Variants in SMARCAL1 observed in about 807,000 individuals in gnomAD.
SMARCAL1 encodes SNF2 related chromatin remodeling annealing helicase 1.
In SMARCAL1, 58 loss-of-function variants were observed where a neutral mutation model predicts 94.5. The ratio of observed to expected loss-of-function variants is 0.61; its 90% CI spans 0.50 to 0.76. The LOEUF is 0.76. Among genes scored for constraint, SMARCAL1 ranks in the 30% least tolerant of loss-of-function variants. The pLI is 0.00. For missense variants in SMARCAL1, 1,051 were observed against 1,177.9 expected (o/e 0.89, Z 1.58); for synonymous variants, 422 against 455.1 (o/e 0.93, Z 0.93).
At chr2:216,473,934 C>T (rs1695015945) in intron 14 of SMARCAL1, among the ~76,000 whole-genome samples, 1 of 152,032 alleles carries the variant, frequency 6.6e-6, no homozygotes, top group South Asian at 2.1e-4. Flanking sequence ...AAACTGGAAT[C>T]AACTCAGATG....
At chr2:216,455,710 C>T (rs1490669433) in intron 12 of SMARCAL1, among the ~76,000 whole-genome samples, 2 of 152,182 alleles carry the variant, frequency 1.3e-5, no homozygotes, top group Non-Finnish European at 2.9e-5. Flanking sequence ...ACGTCACCAT[C>T]ATCAAAGAGC....
intron 11 of SMARCAL1, among the ~76,000 whole-genome samples, chr2:216,449,854 T>C (rs1403997413): frequency 1.3e-5 from 2 of 152,042 alleles, no homozygotes; most frequent in Admixed American, 6.5e-5. Context: ...CTTTTTTTTT[T>C]TGAGACAGAG....
intron 6 of SMARCAL1, among the ~76,000 whole-genome samples, chr2:216,426,354 TAG>T (rs1227642042): frequency 6.6e-6 from 1 of 152,244 alleles, no homozygotes; most frequent in East Asian, 1.9e-4. Flanking sequence ...CATAGCATTG[TAG>T]AGTGGTTCCT....
chr2:216,472,566 G>C (rs1694990703), intron 14 of SMARCAL1, among the ~76,000 whole-genome samples: 1 of 151,064 alleles, frequency 6.6e-6, no homozygotes, highest in African/African-American at 2.4e-5. Context: ...CAACAGAAAA[G>C]TAATAGAAGG....
At chr2:216,449,749 A>G (rs1694401822) in intron 11 of SMARCAL1, among the ~76,000 whole-genome samples, 1 of 152,170 alleles carries the variant, frequency 6.6e-6, no homozygotes, top group Non-Finnish European at 1.5e-5. Flanking sequence ...AGTAGCAGGC[A>G]CACTGGCTCC....
At position 216,420,359 on chromosome 2, in the gene SMARCAL1, G is replaced by T. The variant is rs748576278; in HGVS notation, c.923G>T (p.Ser308Ile). 6.2e-7 allele frequency: 1 copy of T among 1,614,200 alleles called. No homozygotes were observed. Among genetic ancestry groups the T allele is most frequent in the South Asian group, 1.1e-5 (1 of 91,086 alleles). ...NLQPLEWAYGSSESPSTSSEG... is the reference protein window; with the variant it reads ...NLQPLEWAYGISESPSTSSEG... ...CAGCCTCTGGAATGGGCCTATGGCAGCAGCGAGTCACCCTCCACCAGCAGT... is the reference window on the plus strand; with the variant it reads ...CAGCCTCTGGAATGGGCCTATGGCATCAGCGAGTCACCCTCCACCAGCAGT... The change falls in exon 5 of 18, where the codon AGC becomes ATC. Residue 308 changes from serine to isoleucine, a missense_variant. Ser to Ile is a moderately radical substitution (Grantham distance 142, BLOSUM62 -2). Transcript: ENST00000357276.
At chr2:216,432,680 C>T (rs753535790) in intron 7 of SMARCAL1, 38 bp from the exon 8 acceptor site, 6 of 1,613,542 alleles carry the variant, frequency 3.7e-6, no homozygotes, top group Non-Finnish European at 5.1e-6. Context: ...GAACTCATGC[C>T]CCGGGAAATG....
chr2:216,446,630 T>C (rs985749265), intron 10 of SMARCAL1: 1 of 460,828 alleles, frequency 2.2e-6, no homozygotes, highest in African/African-American at 2.0e-5. Context: ...TTCTCCAGGA[T>C]ACTAATTAGC....
chr2:216,459,738 G>T (rs542538943), intron 12 of SMARCAL1, among the ~76,000 whole-genome samples: 5 of 151,766 alleles, frequency 3.3e-5, no homozygotes, highest in African/African-American at 1.2e-4. Flanking sequence ...AACCCTAGAA[G>T]AAAACCTAGG....
rs965162981 is a variant in SMARCAL1 at position 216,412,541 on chromosome 2, C to G, written c.-203C>G. ...GGCGAACTCGCAGCGCTTGAATACCCGTGGCCTAACCGTCCACTCGGAAGA... is the reference window on the plus strand; with the variant it reads ...GGCGAACTCGCAGCGCTTGAATACCGGTGGCCTAACCGTCCACTCGGAAGA... On this transcript the variant is annotated 5_prime_UTR_variant, in exon 1 of 18. Coordinates refer to ENST00000357276, the MANE Select transcript of SMARCAL1 (RefSeq NM_014140.4). 5.2e-4 allele frequency: 80 copies of G among 152,482 alleles called. No homozygotes were observed. The highest frequency in any genetic ancestry group is 1.9e-3 in the African/African-American group (78 of 41,592). The allele number at this position is 152,482 out of a possible 1,614,324, so 9.4% of individuals were successfully genotyped here. A position where few individuals can be genotyped will look rare whatever the true frequency, so the allele number is the denominator to read the frequency against.
chr2:216,472,851 G>A (rs964985494), intron 14 of SMARCAL1, among the ~76,000 whole-genome samples: 1 of 152,152 alleles, frequency 6.6e-6, no homozygotes, highest in Non-Finnish European at 1.5e-5. Context: ...GTTGATGAAA[G>A]TGTACGAAGA....
chr2:216,464,477 C>T, intron 12 of SMARCAL1, 120 bp from the exon 13 acceptor site: 3 of 812,408 alleles, frequency 3.7e-6, no homozygotes, highest in South Asian at 1.3e-5. Flanking sequence ...GCACCAGGGT[C>T]TCCTGACTCT....
At position 216,414,984 on chromosome 2, in the gene SMARCAL1, G is replaced by T; in HGVS notation, c.280G>T (p.Ala94Ser). Residue 94 changes from alanine (A) to serine (S), a missense_variant, in exon 3 of 18, where the codon GCA (alanine) becomes TCA (serine). Ala to Ser is a moderately conservative substitution (Grantham distance 99, BLOSUM62 1). This residue lies in a region of SMARCAL1 where 398 missense variants were observed against 395.2 expected (regional missense o/e 1.01). Coordinates refer to ENST00000357276, the MANE Select transcript of SMARCAL1 (RefSeq NM_014140.4). Reference sequence around the variant, plus strand: ...ACCTCATGATTCCCACAGTTTTCAGGCAAAGGGAATATGGAAAAAGCCAGA... The same window carrying T: ...ACCTCATGATTCCCACAGTTTTCAGTCAAAGGGAATATGGAAAAAGCCAGA... ...QRPHDSHSFQ[A>S]KGIWKKPEEM... 1 of 1,614,196 alleles carries T rather than the reference G, an allele frequency of 6.2e-7. No individual in the cohort carries two copies.
intron 4 of SMARCAL1, among the ~76,000 whole-genome samples, chr2:216,419,550 A>C (rs1693668902): frequency 7.0e-6 from 1 of 143,452 alleles, no homozygotes; most frequent in Admixed American, 6.7e-5. Context: ...CCTGGTCCTC[A>C]CTCCTTTGTT....
At chr2:216,462,210 C>T (rs1574475441) in intron 12 of SMARCAL1, among the ~76,000 whole-genome samples, 1 of 152,196 alleles carries the variant, frequency 6.6e-6, no homozygotes, top group South Asian at 2.1e-4. Context: ...GAAAGTGCTT[C>T]TCAGCAGTTT....
At position 216,415,396 on chromosome 2, in the gene SMARCAL1, A is replaced by T; in HGVS notation, c.692A>T (p.Gln231Leu). ...CAGCAGAAGTCAGGGTCCTCAGTCCAAAAAGGAGTGAACTCTCAGAAGGGA... is the reference window on the plus strand; with the variant it reads ...CAGCAGAAGTCAGGGTCCTCAGTCCTAAAAGGAGTGAACTCTCAGAAGGGA... ...RLQQKSGSSV[Q>L]KGVNSQKGKC... is the part of the protein sequence containing the mutation. The change falls in exon 3 of 18, where the codon CAA becomes CTA. Residue 231 changes from glutamine (Q) to leucine (L), a missense_variant. By Grantham distance (113) the Gln-to-Leu change is moderately radical. Around this residue, in one of 3 missense-constraint regions of SMARCAL1, gnomAD observed 398 missense variants for 395.2 expected, o/e 1.01. Transcript: ENST00000357276. 2 of 1,614,180 alleles carry T rather than the reference A, an allele frequency of 1.2e-6. No individual in the cohort carries two copies. Among genetic ancestry groups the T allele is most frequent in the African/African-American group, 2.7e-5 (2 of 75,070 alleles).
intron 12 of SMARCAL1, among the ~76,000 whole-genome samples, chr2:216,463,667 G>C (rs1434129588): frequency 6.6e-6 from 1 of 152,190 alleles, no homozygotes; most frequent in Non-Finnish European, 1.5e-5. Context: ...AAACCATAAA[G>C]AAAACACCGT....
chr2:216,472,553 AAAC>A (rs921245442), intron 14 of SMARCAL1, among the ~76,000 whole-genome samples: 1 of 152,030 alleles, frequency 6.6e-6, no homozygotes, highest in African/African-American at 2.4e-5. Context: ...AGAATTTAGA[AAAC>A]AACAGAAAAG....
chr2:216,482,845 T>C lies in SMARCAL1; in HGVS notation c.2733T>C (p.Ala911=). 6.2e-7 allele frequency: 1 copy of C among 1,614,194 alleles called. No individual in the cohort carries two copies. Among genetic ancestry groups the C allele is most frequent in the Non-Finnish European group, 8.5e-7 (1 of 1,180,040 alleles). The change falls in exon 18 of 18, where the codon GCT becomes GCC. Residue 911 remains alanine (A), a synonymous_variant. Coordinates refer to ENST00000357276, the MANE Select transcript of SMARCAL1 (RefSeq NM_014140.4). The surrounding 1 kb of genome is among the most constrained non-coding windows in gnomAD (Gnocchi z 4.3). ...EAAESFDPGS[A]SGTSGSSSQN... ...CAGAGTCCTTTGACCCAGGAAGTGC[T>C]TCAGGAACATCTGGAAGTAGTTCCC...
Sources: allele counts gnomAD v4.1 joint callset (sites outside exome capture counted in the v4.1 genomes callset), GRCh38; gene constraint gnomAD v4.1.1; regional missense constraint gnomAD v4.1.1; non-coding constraint Gnocchi (gnomAD v3.1); transcripts MANE v1.5; gene names NCBI Gene and HGNC (gene_info 2026-07-23, HGNC 2026-07-21).